The following USP44 variants were observed in gnomAD, a reference collection of about 807,000 sequenced individuals.
The protein encoded by USP44 is ubiquitin specific peptidase 44.
USP44 carries 61 observed loss-of-function variants against 69.0 expected under a neutral mutation model. The observed-to-expected ratio is 0.88, with a 90% CI of 0.72 to 1.09. USP44 has a LOEUF of 1.09. USP44 is among the 50% of genes least tolerant of loss of function. USP44 has a pLI of 0.00. For synonymous variants in USP44, 297 were observed against 295.4 expected (o/e 1.01, Z -0.06); for missense variants, 753 against 849.9 (o/e 0.89, Z 1.42).
At chr12:95,542,588 C>G (rs771826362) in intron 1 of USP44, among the ~76,000 whole-genome samples, 3 of 151,472 alleles carry the variant, frequency 2.0e-5, no homozygotes, top group Non-Finnish European at 4.4e-5. Context: ...TGGTGAAAAC[C>G]CTGTCTCTAC....
chr12:95,533,168 A>G lies in USP44; in HGVS notation c.1089T>C (p.Gly363=). 6.2e-7 allele frequency: 1 copy of G among 1,614,174 alleles called. No individual in the cohort carries two copies. Among genetic ancestry groups the G allele is most frequent in the Non-Finnish European group, 8.5e-7 (1 of 1,180,034 alleles). Reference sequence around the variant, plus strand: ...TTGGCTGAATAAGTTCCATCTTTCTACCTTTTGATGCTCCACCACTTAGTC... The same window carrying G: ...TTGGCTGAATAAGTTCCATCTTTCTGCCTTTTGATGCTCCACCACTTAGTC... ...SSGLSGGASK[G]RKMELIQPKE... is the part of the protein sequence containing the mutation. The change falls in exon 2 of 6, where the codon GGT becomes GGC. Residue 363 remains glycine, a synonymous_variant. Transcript: ENST00000258499.
intron 1 of USP44, among the ~76,000 whole-genome samples, chr12:95,545,987 T>C (rs1030105256): frequency 6.6e-6 from 1 of 152,230 alleles, no homozygotes; most frequent in Non-Finnish European, 1.5e-5. Context: ...GTCTCTAACA[T>C]GCCTCTCCTG....
intron 1 of USP44, among the ~76,000 whole-genome samples, chr12:95,543,333 G>A (rs141934517): frequency 0.015 from 2,268 of 150,240 alleles, 55 homozygotes; most frequent in African/African-American, 0.052. Context: ...CCTGGGAGGC[G>A]GTGGTGGTTG....
intron 4 of USP44, chr12:95,522,261 G>GA (rs2076689722): frequency 4.5e-6 from 1 of 222,142 alleles, no homozygotes; most frequent in Admixed American, 6.5e-5. Flanking sequence ...AGCAGGTAGA[G>GA]AAGGGAGAGA....
intron 5 of USP44, among the ~76,000 whole-genome samples, chr12:95,520,220 T>C (rs750286108): frequency 4.0e-5 from 6 of 151,624 alleles, no homozygotes; most frequent in Admixed American, 6.6e-5. Flanking sequence ...AGGCTGGGTG[T>C]GGTGGCTCAT....
chr12:95,541,622 T>C (rs1226769391), intron 1 of USP44, among the ~76,000 whole-genome samples: 1 of 152,108 alleles, frequency 6.6e-6, no homozygotes, highest in Non-Finnish European at 1.5e-5. Flanking sequence ...TTCCGTTTCA[T>C]TTAAAAAATG....
At chr12:95,527,117 C>T in intron 3 of USP44, among the ~76,000 whole-genome samples, 1 of 142,450 alleles carries the variant, frequency 7.0e-6, no homozygotes. Context: ...TTTTTTGAGA[C>T]AGAGTCTCGC....
At chr12:95,544,708 C>T (rs1219266888) in intron 1 of USP44, among the ~76,000 whole-genome samples, 1 of 151,950 alleles carries the variant, frequency 6.6e-6, no homozygotes, top group African/African-American at 2.4e-5. Context: ...AAGAATTAGT[C>T]TATACATCTG....
chr12:95,540,489 C>T (rs1393392315), intron 1 of USP44, among the ~76,000 whole-genome samples: 1 of 151,926 alleles, frequency 6.6e-6, no homozygotes, highest in Non-Finnish European at 1.5e-5. Flanking sequence ...ATTACAGGCA[C>T]ATGCCACCAC....
chr12:95,529,302 GTATACATA>G (rs967595213), intron 2 of USP44, among the ~76,000 whole-genome samples: 103 of 151,890 alleles, frequency 6.8e-4, no homozygotes, highest in Middle Eastern at 3.4e-3. Flanking sequence ...AACACACTAT[GTATACATA>G]TATACATATA....
chr12:95,536,336 C>A (rs2077203729), intron 1 of USP44, among the ~76,000 whole-genome samples: 1 of 152,072 alleles, frequency 6.6e-6, no homozygotes, highest in Non-Finnish European at 1.5e-5. Flanking sequence ...AGCCACCGTG[C>A]CCAGCCCCCA....
chr12:95,536,263 G>A (rs559477374), intron 1 of USP44, among the ~76,000 whole-genome samples: 4 of 151,888 alleles, frequency 2.6e-5, no homozygotes, highest in African/African-American at 9.7e-5. Flanking sequence ...GGCTGGTCTT[G>A]AACTCCTGGC....
intron 4 of USP44, 115 bp downstream of exon 4, chr12:95,524,565 C>G (rs536510720): frequency 1.4e-6 from 1 of 698,040 alleles, no homozygotes; most frequent in East Asian, 2.9e-5. Context: ...AAAGTTAATT[C>G]ATTTGTCAGA....
intron 1 of USP44, among the ~76,000 whole-genome samples, chr12:95,541,639 G>T (rs549746247): frequency 6.6e-6 from 1 of 152,182 alleles, no homozygotes; most frequent in African/African-American, 2.4e-5. Flanking sequence ...AATGCTGATT[G>T]TGACAAATTT....
intron 4 of USP44, among the ~76,000 whole-genome samples, chr12:95,523,893 T>A (rs1392374590): frequency 3.3e-5 from 5 of 151,798 alleles, no homozygotes; most frequent in Non-Finnish European, 7.4e-5. Context: ...TTTTTTTTTC[T>A]TGAGACAGAG....
At chr12:95,543,966 C>CAAAAAAAAAAA (rs760105964) in intron 1 of USP44, among the ~76,000 whole-genome samples, 3 of 47,678 alleles carry the variant, frequency 6.3e-5, no homozygotes, top group Non-Finnish European at 1.1e-4. Flanking sequence ...GACTGCATCT[C>CAAAAAAAAAAA]AAAAAAAAAA....
chr12:95,523,978 G>C (rs945083450), intron 4 of USP44, among the ~76,000 whole-genome samples: 3 of 152,090 alleles, frequency 2.0e-5, no homozygotes, highest in Non-Finnish European at 4.4e-5. Flanking sequence ...CAGGGTTCAA[G>C]TGATTCTCCT....
chr12:95,518,255 T>C lies in USP44; in HGVS notation c.2038A>G (p.Thr680Ala). 6.2e-7 allele frequency: 1 copy of C among 1,614,172 alleles called. No individual in the cohort carries two copies. Among genetic ancestry groups the C allele is most frequent in the Non-Finnish European group, 8.5e-7 (1 of 1,180,030 alleles). ...AAAAGTTTAGAATGTCCATTCTCAG[T>C]AACTCGTTGGGTATAAAACAAGATA... The part of the protein sequence containing the change: ...AYILFYTQRV[T>A]ENGHSKLLPP... The change falls in exon 6 of 6, where the codon ACT (threonine) becomes GCT (alanine). Residue 680 changes from threonine (T) to alanine (A), a missense_variant. Coordinates refer to ENST00000258499, the MANE Select transcript of USP44 (RefSeq NM_032147.5).
At chr12:95,525,916 G>A (rs73231345) in intron 3 of USP44, among the ~76,000 whole-genome samples, 1 of 152,224 alleles carries the variant, frequency 6.6e-6, no homozygotes, top group Non-Finnish European at 1.5e-5. Context: ...TGAGCTCTAA[G>A]CCACCTTCGC....
Sources: gnomAD v4.1 joint callset for allele counts (sites outside exome capture counted in the v4.1 genomes callset) on GRCh38, gnomAD v4.1.1 for gene constraint, MANE v1.5 for transcripts, NCBI Gene and HGNC (gene_info 2026-07-23, HGNC 2026-07-21) for gene names.